The following HS6ST3 variants were observed in gnomAD, a reference collection of about 807,000 sequenced individuals.
HS6ST3 encodes heparan-sulfate 6-O-sulfotransferase 3.
HS6ST3 carries 12 observed loss-of-function variants against 36.7 expected under a neutral mutation model. That is an observed-to-expected ratio of 0.33 (90% CI 0.21 to 0.53). HS6ST3 has a LOEUF of 0.53. Ranked by LOEUF, HS6ST3 falls within the 20% of genes least tolerant of loss-of-function variation. HS6ST3 has a pLI of 0.95. For synonymous variants in HS6ST3, 240 were observed against 257.5 expected, an observed-to-expected ratio of 0.93 and a Z score of 0.65; for missense variants, 584 against 640.9, an observed-to-expected ratio of 0.91 and a Z score of 0.96.
At chr13:96,557,953 TACCTCAC>T in intron 1 of HS6ST3, among the ~76,000 whole-genome samples, 1 of 152,288 alleles carries the variant, frequency 6.6e-6, no homozygotes, top group South Asian at 2.1e-4. Flanking sequence ...CAATAATAGC[TACCTCAC>T]AAGGTTAGCA....
At chr13:96,675,203 G>C (rs566935097) in intron 1 of HS6ST3, among the ~76,000 whole-genome samples, 17 of 152,060 alleles carry the variant, frequency 1.1e-4, no homozygotes, top group African/African-American at 4.1e-4. Context: ...ATAGTTTTAA[G>C]TATAAATTTA....
intron 1 of HS6ST3, among the ~76,000 whole-genome samples, chr13:96,144,900 T>C (rs2139319551): frequency 6.7e-6 from 1 of 148,782 alleles, no homozygotes; most frequent in Middle Eastern, 3.4e-3. Flanking sequence ...ATGAGGTGTT[T>C]GGTTTTTTGT....
intron 1 of HS6ST3, among the ~76,000 whole-genome samples, chr13:96,196,081 G>C (rs989198395): frequency 1.6e-4 from 24 of 152,064 alleles, no homozygotes; most frequent in Admixed American, 1.6e-3. Context: ...TACTCTTACA[G>C]TATGTTCCTG....
chr13:96,206,622 T>A (rs535399091), intron 1 of HS6ST3, among the ~76,000 whole-genome samples: 1 of 151,950 alleles, frequency 6.6e-6, no homozygotes, highest in Non-Finnish European at 1.5e-5. Flanking sequence ...CACAGACCAA[T>A]GGAAGAGAAT....
chr13:96,306,651 G>A (rs1251509799), intron 1 of HS6ST3, among the ~76,000 whole-genome samples: 4 of 152,124 alleles, frequency 2.6e-5, no homozygotes, highest in Non-Finnish European at 4.4e-5. Flanking sequence ...ACTGCTGGGG[G>A]AAGGGCTCAT....
At chr13:96,668,686 C>CTTTTTTTTTTTTTTTTTT (rs146033180) in intron 1 of HS6ST3, among the ~76,000 whole-genome samples, 2 of 58,942 alleles carry the variant, frequency 3.4e-5, no homozygotes, top group Non-Finnish European at 6.3e-5. Context: ...TAGTGCCAAC[C>CTTTTTTTTTTTTTTTTTT]TTTTTTTTTT....
chr13:96,663,404 C>T (rs1235957093), intron 1 of HS6ST3, among the ~76,000 whole-genome samples: 1 of 152,054 alleles, frequency 6.6e-6, no homozygotes, highest in Non-Finnish European at 1.5e-5. Context: ...TAATAAAGTA[C>T]CAAACATCAT....
intron 1 of HS6ST3, among the ~76,000 whole-genome samples, chr13:96,193,471 C>T (rs77676106): frequency 0.041 from 6,288 of 152,192 alleles, 209 homozygotes; most frequent in African/African-American, 0.087. Flanking sequence ...GGTATAAGCT[C>T]TCTAAGAGAG....
chr13:96,739,122 T>A (rs1319188251), intron 1 of HS6ST3, among the ~76,000 whole-genome samples: 1 of 151,832 alleles, frequency 6.6e-6, no homozygotes, highest in African/African-American at 2.4e-5. Context: ...TCCTTCTTAG[T>A]CTCTTTGCTT....
intron 1 of HS6ST3, among the ~76,000 whole-genome samples, chr13:96,345,399 T>A (rs1210220542): frequency 6.6e-6 from 1 of 152,214 alleles, no homozygotes; most frequent in Non-Finnish European, 1.5e-5. Context: ...TAGGTGTGTG[T>A]GCATATATCT....
chr13:96,794,927 G>T (rs77195440), intron 1 of HS6ST3, among the ~76,000 whole-genome samples: 1 of 152,030 alleles, frequency 6.6e-6, no homozygotes, highest in Non-Finnish European at 1.5e-5. Context: ...TTTTCTTCCA[G>T]ATGGAAGCAA....
intron 1 of HS6ST3, among the ~76,000 whole-genome samples, chr13:96,629,857 C>A (rs1331111095): frequency 6.6e-6 from 1 of 151,668 alleles, no homozygotes; most frequent in African/African-American, 2.4e-5. Context: ...CAATTTTATT[C>A]ATTAGCTCCC....
intron 1 of HS6ST3, among the ~76,000 whole-genome samples, chr13:96,823,964 G>A (rs1000744562): frequency 2.6e-5 from 4 of 152,004 alleles, no homozygotes; most frequent in Non-Finnish European, 5.9e-5. Context: ...TTTCCATAAT[G>A]GTAATACATT....
intron 1 of HS6ST3, among the ~76,000 whole-genome samples, chr13:96,466,656 G>A (rs2055815498): frequency 6.6e-6 from 1 of 152,172 alleles, no homozygotes; most frequent in African/African-American, 2.4e-5. Flanking sequence ...AGAAATAAAG[G>A]AAATGGTAAC....
At chr13:96,227,375 G>A (rs1366787118) in intron 1 of HS6ST3, among the ~76,000 whole-genome samples, 1 of 152,160 alleles carries the variant, frequency 6.6e-6, no homozygotes, top group Non-Finnish European at 1.5e-5. Flanking sequence ...TAATGCATTG[G>A]CACCTATATG....
At chr13:96,417,450 G>A (rs1269963688) in intron 1 of HS6ST3, among the ~76,000 whole-genome samples, 2 of 152,054 alleles carry the variant, frequency 1.3e-5, no homozygotes, top group African/African-American at 4.8e-5. Context: ...GGCTGTCAAT[G>A]TAGCACCCCA....
chr13:96,603,697 G>C (rs1368153508), intron 1 of HS6ST3, among the ~76,000 whole-genome samples: 1 of 152,158 alleles, frequency 6.6e-6, no homozygotes, highest in Non-Finnish European at 1.5e-5. Context: ...GCTCTATATA[G>C]AAGAGAATAT....
intron 1 of HS6ST3, among the ~76,000 whole-genome samples, chr13:96,363,729 A>G (rs1035585426): frequency 6.6e-6 from 1 of 152,200 alleles, no homozygotes; most frequent in South Asian, 2.1e-4. Context: ...GGTATTTTTT[A>G]TAATGATACT....
rs190836099 is a variant in HS6ST3 at position 96,548,834 on chromosome 13, G to A, written c.708-283656G>A. On this transcript the variant is annotated intron_variant, in intron 1 of 1. Coordinates refer to ENST00000376705, the MANE Select transcript of HS6ST3 (RefSeq NM_153456.4). ...CTGTGTAGACTTTCAGCTCACCCAC[G>A]TGAGAGAGGGCAATCTGCCTTACTC... 4.1e-3 allele frequency among the ~76,000 whole-genome samples: 629 copies of A among 152,260 alleles called. 3 individuals carry two copies. The highest frequency in any genetic ancestry group is 0.02 in the Middle Eastern group (6 of 294).
Sources: gnomAD v4.1 joint callset for allele counts (sites outside exome capture counted in the v4.1 genomes callset) on GRCh38, gnomAD v4.1.1 for gene constraint, MANE v1.5 for transcripts, NCBI Gene and HGNC (gene_info 2026-07-23, HGNC 2026-07-21) for gene names.